Variants in NALF1 observed in about 807,000 individuals in gnomAD.
NALF1 encodes family with sequence similarity 155 member A.
A neutral mutation model predicts 48.4 loss-of-function variants in NALF1; 3 were observed. The observed-to-expected ratio is 0.06, with a 90% CI of 0.03 to 0.16. The LOEUF (loss-of-function observed/expected upper bound fraction) is 0.16, where lower values mean the gene tolerates loss of function less well. Among genes scored for constraint, NALF1 ranks in the 10% least tolerant of loss-of-function variants. The probability of loss-of-function intolerance (pLI) is 1.00; values close to 1 mark genes in which losing one functional copy is unlikely to be tolerated. For missense variants in NALF1, 526 were observed against 571.5 expected, an observed-to-expected ratio of 0.92 and a Z score of 0.81; for synonymous variants, 262 against 245.7, an observed-to-expected ratio of 1.07 and a Z score of -0.62.
At chr13:107,578,267 TA>T (rs1276850556) in intron 1 of NALF1, among the ~76,000 whole-genome samples, 1 of 130,324 alleles carries the variant, frequency 7.7e-6, no homozygotes, top group Non-Finnish European at 1.6e-5. Flanking sequence ...GTTTCTACCC[TA>T]GCACAGTACC....
intron 1 of NALF1, among the ~76,000 whole-genome samples, chr13:107,800,623 T>C (rs1878580809): frequency 6.8e-6 from 1 of 147,116 alleles, no homozygotes; most frequent in South Asian, 2.1e-4. Flanking sequence ...ATATATATTA[T>C]ATAATTATAT....
intron 1 of NALF1, among the ~76,000 whole-genome samples, chr13:107,299,299 C>T (rs1313247121): frequency 2.0e-5 from 3 of 151,842 alleles, no homozygotes; most frequent in Admixed American, 6.6e-5. Context: ...GGCATGGTGG[C>T]GCATGCCTGT....
At chr13:107,254,167 G>A (rs568680056) in intron 1 of NALF1, among the ~76,000 whole-genome samples, 2 of 151,754 alleles carry the variant, frequency 1.3e-5, no homozygotes, top group Non-Finnish European at 2.9e-5. Context: ...CTTTTTATGC[G>A]CTCCAACTCA....
chr13:107,773,785 G>A (rs905069724), intron 1 of NALF1, among the ~76,000 whole-genome samples: 2 of 150,272 alleles, frequency 1.3e-5, no homozygotes, highest in Non-Finnish European at 3.0e-5. Flanking sequence ...GCTAAATGAC[G>A]AGTAAATGGG....
chr13:107,838,175 C>T (rs1879951390), intron 1 of NALF1, among the ~76,000 whole-genome samples: 2 of 151,972 alleles, frequency 1.3e-5, no homozygotes, highest in African/African-American at 2.4e-5. Context: ...TACCATAGGC[C>T]CTCTGAATGT....
At chr13:107,393,028 T>G (rs1334585366) in intron 1 of NALF1, among the ~76,000 whole-genome samples, 1 of 152,132 alleles carries the variant, frequency 6.6e-6, no homozygotes, top group African/African-American at 2.4e-5. Context: ...TGGCTCATTT[T>G]AGGAACTAAA....
intron 1 of NALF1, among the ~76,000 whole-genome samples, chr13:107,444,813 T>C (rs1342704657): frequency 1.3e-5 from 2 of 152,222 alleles, no homozygotes; most frequent in Non-Finnish European, 2.9e-5. Context: ...GATTTCCACA[T>C]ACATATAATA....
chr13:107,443,126 A>T (rs1884588763), intron 1 of NALF1, among the ~76,000 whole-genome samples: 1 of 152,220 alleles, frequency 6.6e-6, no homozygotes, highest in Admixed American at 6.5e-5. Context: ...TTACAATAGT[A>T]TCAGAAACAT....
intron 1 of NALF1, among the ~76,000 whole-genome samples, chr13:107,609,000 A>G (rs1164887344): frequency 6.6e-6 from 1 of 152,178 alleles, no homozygotes; most frequent in African/African-American, 2.4e-5. Flanking sequence ...GAACAAGATG[A>G]GAAGGGCTGG....
At chr13:107,305,045 C>CA (rs1881908894) in intron 1 of NALF1, among the ~76,000 whole-genome samples, 1 of 152,178 alleles carries the variant, frequency 6.6e-6, no homozygotes, top group South Asian at 2.1e-4. Flanking sequence ...TTCAGAATAA[C>CA]AGTTGCTTGA....
intron 1 of NALF1, among the ~76,000 whole-genome samples, chr13:107,325,410 C>G (rs1882332979): frequency 6.6e-6 from 1 of 151,962 alleles, no homozygotes; most frequent in African/African-American, 2.4e-5. Context: ...CCCTTTTTGA[C>G]TAAAGACAAA....
intron 1 of NALF1, among the ~76,000 whole-genome samples, chr13:107,633,826 T>C (rs1462624388): frequency 6.8e-6 from 1 of 147,830 alleles, no homozygotes; most frequent in Non-Finnish European, 1.5e-5. Flanking sequence ...ATATCCTGTT[T>C]TACCAAATTG....
intron 1 of NALF1, among the ~76,000 whole-genome samples, chr13:107,523,056 A>G (rs1321168581): frequency 6.6e-6 from 1 of 152,216 alleles, no homozygotes; most frequent in Admixed American, 6.5e-5. Context: ...AATTGTTACT[A>G]TATGAATGGA....
chr13:107,298,351 CAAAAAAAAAAAAAAAA>C (rs1192707023), intron 1 of NALF1, among the ~76,000 whole-genome samples: 2 of 16,624 alleles, frequency 1.2e-4, no homozygotes, highest in Middle Eastern at 0.062. Flanking sequence ...GACTCCATCT[CAAAAAAAAAAAAAAAA>C]AAAAAAAAAA....
intron 2 of NALF1, among the ~76,000 whole-genome samples, chr13:107,191,424 T>C (rs1309701531): frequency 6.6e-6 from 1 of 152,196 alleles, no homozygotes; most frequent in Admixed American, 6.5e-5. Context: ...GTTTAGATAT[T>C]TCCTGTCTTG....
chr13:107,252,910 CA>C (rs1225569035), intron 1 of NALF1, among the ~76,000 whole-genome samples: 2 of 152,176 alleles, frequency 1.3e-5, no homozygotes, highest in African/African-American at 4.8e-5. Context: ...GAACATTATA[CA>C]TATTTTAATA....
chr13:107,309,450 C>T (rs1032122978), intron 1 of NALF1, among the ~76,000 whole-genome samples: 6 of 152,124 alleles, frequency 3.9e-5, no homozygotes, highest in African/African-American at 1.4e-4. Flanking sequence ...TGAGAAAAGT[C>T]CTGAGGCAAA....
chr13:107,246,980 G>C (rs1304047384), intron 1 of NALF1, among the ~76,000 whole-genome samples: 1 of 152,124 alleles, frequency 6.6e-6, no homozygotes, highest in Non-Finnish European at 1.5e-5. Context: ...AGAAATTCTA[G>C]TGTTTCCATT....
chr13:107,203,775 C>T (rs1879573304), intron 2 of NALF1, among the ~76,000 whole-genome samples: 1 of 152,224 alleles, frequency 6.6e-6, no homozygotes, highest in Admixed American at 6.5e-5. Context: ...TTTCTCCACT[C>T]TCCCTGGTCT....
Sources: allele counts gnomAD v4.1 joint callset (sites outside exome capture counted in the v4.1 genomes callset), GRCh38; gene constraint gnomAD v4.1.1; transcripts MANE v1.5; gene names NCBI Gene and HGNC (gene_info 2026-07-23, HGNC 2026-07-21).